The following NXPE1 variants were observed in gnomAD, a reference collection of about 807,000 sequenced individuals.
The protein encoded by NXPE1 is neurexophilin and PC-esterase domain family member 1.
Under a neutral mutation model 33.3 loss-of-function variants are expected in NXPE1, and 31 were observed. That is an observed-to-expected ratio of 0.93 (90% CI 0.70 to 1.26). NXPE1 has a LOEUF of 1.26. Ranked by LOEUF, NXPE1 falls within the 50% of genes most tolerant of loss-of-function variation. The probability of loss-of-function intolerance (pLI) is 0.00; values close to 1 mark genes in which losing one functional copy is unlikely to be tolerated. For missense variants in NXPE1, 661 were observed against 655.6 expected, an observed-to-expected ratio of 1.01 and a Z score of -0.09; for synonymous variants, 229 against 231.4, an observed-to-expected ratio of 0.99 and a Z score of 0.09.
chr11:114,551,401 C>A, exon 4 of NXPE1: 1 of 1,338,160 alleles, frequency 7.5e-7, no homozygotes, highest in Non-Finnish European at 9.5e-7. Flanking sequence ...TACTTCTTGT[C>A]GAGGTTTCAC....
At chr11:114,549,056 G>T (rs1166884382) in intron 5 of NXPE1, among the ~76,000 whole-genome samples, 3 of 151,518 alleles carry the variant, frequency 2.0e-5, no homozygotes, top group African/African-American at 7.3e-5. Flanking sequence ...AGATAAAATG[G>T]ATAACTCAGA....
At chr11:114,557,634 CATATAT>C (rs4019608) in intron 1 of NXPE1, among the ~76,000 whole-genome samples, 17,313 of 127,482 alleles carry the variant, frequency 0.14, 1,407 homozygotes, top group Non-Finnish European at 0.19. Context: ...ATATATAATA[CATATAT>C]ATATATATAT....
intron 5 of NXPE1, among the ~76,000 whole-genome samples, chr11:114,550,219 G>A (rs1463021422): frequency 6.6e-6 from 1 of 152,144 alleles, no homozygotes; most frequent in Non-Finnish European, 1.5e-5. Context: ...CAGTTAGAAA[G>A]TTCACTTGAA....
chr11:114,555,544 G>A (rs1010345296), intron 1 of NXPE1, among the ~76,000 whole-genome samples: 10 of 152,258 alleles, frequency 6.6e-5, no homozygotes, highest in African/African-American at 2.4e-4. Context: ...TGCATTTTAA[G>A]TGCACTGTTT....
chr11:114,534,397 C>T (rs1319528445), intron 5 of NXPE1, among the ~76,000 whole-genome samples: 3 of 152,180 alleles, frequency 2.0e-5, no homozygotes, highest in Admixed American at 2.0e-4. Context: ...TCCAAAGGAA[C>T]GCAGCTCCTC....
At chr11:114,552,732 G>T in intron 2 of NXPE1, 120 bp downstream of exon 2, 1 of 204,624 alleles carries the variant, frequency 4.9e-6, no homozygotes. Flanking sequence ...AGTGCGTATG[G>T]ATATGTTTCA....
At chr11:114,550,133 A>G (rs1948423220) in intron 5 of NXPE1, among the ~76,000 whole-genome samples, 3 of 152,174 alleles carry the variant, frequency 2.0e-5, no homozygotes, top group African/African-American at 7.2e-5. Context: ...GATGTTGTTT[A>G]GTCTTCCAAG....
At chr11:114,522,220 C>A (rs1565294129) in exon 9 of NXPE1, 1 of 1,614,014 alleles carries the variant, frequency 6.2e-7, no homozygotes, top group Admixed American at 1.7e-5. Context: ...TTCTTAGGAA[C>A]AGTCTTTCAA....
chr11:114,541,532 G>T (rs1948097821), intron 5 of NXPE1, among the ~76,000 whole-genome samples: 1 of 152,216 alleles, frequency 6.6e-6, no homozygotes, highest in South Asian at 2.1e-4. Flanking sequence ...ACAGCCGTCA[G>T]GAGGTCCTGA....
intron 5 of NXPE1, among the ~76,000 whole-genome samples, chr11:114,549,559 A>G (rs1948401509): frequency 6.6e-6 from 1 of 152,084 alleles, no homozygotes. Flanking sequence ...GTTGAAAAAC[A>G]CAACAGAAAG....
chr11:114,544,454 A>G (rs1948207520), intron 5 of NXPE1, among the ~76,000 whole-genome samples: 1 of 152,240 alleles, frequency 6.6e-6, no homozygotes, highest in East Asian at 1.9e-4. Context: ...TTTTTGACAT[A>G]GGCACAAAGG....
chr11:114,538,991 T>C (rs1947967720), intron 5 of NXPE1, among the ~76,000 whole-genome samples: 1 of 147,606 alleles, frequency 6.8e-6, no homozygotes, highest in African/African-American at 2.5e-5. Flanking sequence ...ACACGTGTGT[T>C]TATTGAGGCA....
intron 5 of NXPE1, among the ~76,000 whole-genome samples, chr11:114,539,930 C>T (rs1305492837): frequency 1.3e-5 from 2 of 152,128 alleles, no homozygotes; most frequent in East Asian, 1.9e-4. Flanking sequence ...TCACACACTA[C>T]ATACTAAAGT....
At chr11:114,548,520 A>C (rs1221253316) in intron 5 of NXPE1, among the ~76,000 whole-genome samples, 1 of 152,108 alleles carries the variant, frequency 6.6e-6, no homozygotes, top group Non-Finnish European at 1.5e-5. Context: ...TAAAAACCCC[A>C]AATACCATTC....
chr11:114,523,373 A>G (rs1947274538), intron 7 of NXPE1, among the ~76,000 whole-genome samples: 1 of 151,982 alleles, frequency 6.6e-6, no homozygotes, highest in Non-Finnish European at 1.5e-5. Flanking sequence ...TTGACGTTCT[A>G]TCCTTTTTTC....
chr11:114,518,952 A>G (rs1013575199), downstream of NXPE1, among the ~76,000 whole-genome samples: 1 of 152,206 alleles, frequency 6.6e-6, no homozygotes, highest in Non-Finnish European at 1.5e-5. Flanking sequence ...CCTATTTAGC[A>G]TATCAACAAA....
At chr11:114,536,470 C>CA (rs1220153816) in intron 5 of NXPE1, among the ~76,000 whole-genome samples, 1 of 151,918 alleles carries the variant, frequency 6.6e-6, no homozygotes, top group South Asian at 2.1e-4. Context: ...AAAAACCCTT[C>CA]AAAAAAATCA....
intron 5 of NXPE1, among the ~76,000 whole-genome samples, chr11:114,547,940 C>T (rs527555092): frequency 6.6e-6 from 1 of 151,762 alleles, no homozygotes; most frequent in African/African-American, 2.4e-5. Flanking sequence ...AATATTCTTA[C>T]AATTTTTCTG....
exon 6 of NXPE1, chr11:114,530,467 G>A (rs1423413679): frequency 6.2e-7 from 1 of 1,614,236 alleles, no homozygotes. Context: ...TGGATGAGCA[G>A]CAGAGACAGG....
Sources: gnomAD v4.1 joint callset for allele counts (sites outside exome capture counted in the v4.1 genomes callset) on GRCh38, gnomAD v4.1.1 for gene constraint, MANE v1.5 for transcripts, NCBI Gene and HGNC (gene_info 2026-07-23, HGNC 2026-07-21) for gene names.